The following RNFT2 variants were observed in gnomAD, a reference collection of about 807,000 sequenced individuals.
RNFT2 encodes E3 ubiquitin-protein ligase RNFT2.
Under a neutral mutation model 53.0 loss-of-function variants are expected in RNFT2, and 36 were observed. That is an observed-to-expected ratio of 0.68 (90% CI 0.52 to 0.90). RNFT2 has a LOEUF of 0.90. Ranked by LOEUF, RNFT2 falls within the 40% of genes least tolerant of loss-of-function variation. The probability of loss-of-function intolerance (pLI) is 0.00; values close to 1 mark genes in which losing one functional copy is unlikely to be tolerated. For synonymous variants in RNFT2, 260 were observed against 253.2 expected, an observed-to-expected ratio of 1.03 and a Z score of -0.26; for missense variants, 514 against 585.6, an observed-to-expected ratio of 0.88 and a Z score of 1.26.
intron 5 of RNFT2, among the ~76,000 whole-genome samples, chr12:116,762,554 T>C (rs1222779378): frequency 6.6e-6 from 1 of 151,250 alleles, no homozygotes; most frequent in Admixed American, 6.6e-5. Context: ...CTGGGCAACA[T>C]AGCAAGACCC....
At position 116,796,268 on chromosome 12, in the gene RNFT2, A is replaced by G. The variant is rs550200382; in HGVS notation, c.882+16920A>G. 3.1e-4 allele frequency among the ~76,000 whole-genome samples: 47 copies of G among 152,212 alleles called. 1 individual carries two copies. Among genetic ancestry groups the G allele is most frequent in the African/African-American group, 1.0e-3 (42 of 41,536 alleles). On this transcript the variant is annotated intron_variant, in intron 7 of 10. Coordinates refer to ENST00000257575, the MANE Select transcript of RNFT2 (RefSeq NM_001382266.1). ...CATAAGGTGCAAGGTCAGGTATCTC[A>G]TTGCTGGGTGGTTACTAGGACTGGT...
Position 116,851,446 on chromosome 12 carries a change from A to T in RNFT2, c.*1998A>T, listed in dbSNP as rs1051370703. The T allele has an allele frequency of 2.6e-6, 1 of 381,542 alleles. No homozygotes were observed. Among genetic ancestry groups the T allele is most frequent in the African/African-American group, 2.0e-5 (1 of 49,164 alleles). The allele number at this position is 381,542 out of a possible 1,614,324, so 23.6% of individuals were successfully genotyped here. On this transcript the variant is annotated 3_prime_UTR_variant, in exon 11 of 11. Coordinates refer to ENST00000257575, the MANE Select transcript of RNFT2 (RefSeq NM_001382266.1). ...GGCCCAGCAGACACGGTCTTCTAAA[A>T]GCACACGAGAGGCCGGGTGTGGTGG...
chr12:116,846,972 G>C (rs904103695), intron 10 of RNFT2, among the ~76,000 whole-genome samples: 1 of 148,208 alleles, frequency 6.7e-6, no homozygotes, highest in Non-Finnish European at 1.5e-5. Flanking sequence ...GCAGTGGCGC[G>C]ATCTTGGCTC....
intron 10 of RNFT2, among the ~76,000 whole-genome samples, chr12:116,844,362 G>A (rs1318007396): frequency 6.6e-6 from 1 of 152,052 alleles, no homozygotes; most frequent in African/African-American, 2.4e-5. Context: ...TCAGCCTCCC[G>A]AGTAGCTGGG....
intron 7 of RNFT2, among the ~76,000 whole-genome samples, chr12:116,784,318 A>G (rs558811670): frequency 2.0e-4 from 31 of 152,250 alleles, no homozygotes; most frequent in African/African-American, 7.0e-4. Context: ...GTCCTCTTAC[A>G]ATTCCCCAGT....
rs1009089811 is a variant in RNFT2 at position 116,794,491 on chromosome 12, G to A, written c.882+15143G>A. ...TGCACACCTGCAATCCCAGCTACGC[G>A]GGAGGCTGAGGTGGGAGGATTGCTT... On this transcript the variant is annotated intron_variant, in intron 7 of 10. Coordinates refer to ENST00000257575, the MANE Select transcript of RNFT2 (RefSeq NM_001382266.1). 4.1e-5 allele frequency among the ~76,000 whole-genome samples: 6 copies of A among 148,012 alleles called. No homozygotes were observed. The East Asian group carries it at 6.1e-4, about 15-fold the overall frequency.
chr12:116,815,705 G>T (rs563050367), intron 7 of RNFT2, among the ~76,000 whole-genome samples: 1 of 152,050 alleles, frequency 6.6e-6, no homozygotes, highest in Non-Finnish European at 1.5e-5. Flanking sequence ...AATTCCTTTC[G>T]CCCTGTAAGG....
intron 7 of RNFT2, among the ~76,000 whole-genome samples, chr12:116,789,168 G>A (rs1348545271): frequency 7.1e-5 from 10 of 141,268 alleles, no homozygotes; most frequent in East Asian, 4.7e-4. Flanking sequence ...TGGATAGATG[G>A]GTGGATGGGT....
chr12:116,850,603 A>ATTT lies in RNFT2; in HGVS notation c.*1159_*1161dup, dbSNP rs1592997307. Reference sequence around the variant, plus strand: ...AGAATCCCTGTGAGCCCTGTGAAGTATTTTTTCTTTTCTTTTCTTTTTTTT... The same window carrying ATTT: ...AGAATCCCTGTGAGCCCTGTGAAGTATTTTTTTTTCTTTTCTTTTCTTTTTTTT... On this transcript the variant is annotated 3_prime_UTR_variant, in exon 11 of 11. Transcript: ENST00000257575. 1.5e-5 allele frequency: 1 copy of ATTT among 64,850 alleles called. No individual in the cohort carries two copies. The highest frequency in any genetic ancestry group is 5.6e-5 in the African/African-American group (1 of 17,940). 4.0% of individuals were successfully genotyped at this position (64,850 alleles called of 1,614,324 possible).
chr12:116,814,984 C>T (rs933709396), intron 7 of RNFT2, among the ~76,000 whole-genome samples: 3 of 152,296 alleles, frequency 2.0e-5, no homozygotes, highest in East Asian at 1.9e-4. Flanking sequence ...GACCCGCCTG[C>T]GTCGGCCTCC....
chr12:116,801,663 T>C (rs988436354), intron 7 of RNFT2, among the ~76,000 whole-genome samples: 17 of 152,216 alleles, frequency 1.1e-4, no homozygotes, highest in Non-Finnish European at 2.5e-4. Flanking sequence ...GCCATCTGTT[T>C]ATAATTTAAA....
intron 7 of RNFT2, among the ~76,000 whole-genome samples, chr12:116,811,284 G>C (rs1475277015): frequency 1.3e-5 from 2 of 151,996 alleles, no homozygotes; most frequent in East Asian, 3.9e-4. Context: ...GTAGGGTGGA[G>C]ACTGGAGGTG....
At chr12:116,752,343 G>T (rs992285294) in intron 4 of RNFT2, among the ~76,000 whole-genome samples, 1 of 152,164 alleles carries the variant, frequency 6.6e-6, no homozygotes. Flanking sequence ...ATTCCTAGAA[G>T]TGAAAGCTGG....
At chr12:116,812,514 G>T (rs1875431982) in intron 7 of RNFT2, among the ~76,000 whole-genome samples, 1 of 151,782 alleles carries the variant, frequency 6.6e-6, no homozygotes. Flanking sequence ...CCAGCCTTCT[G>T]TGTCTAGGCC....
chr12:116,755,286 T>G (rs1247021568), intron 5 of RNFT2: 2 of 648,058 alleles, frequency 3.1e-6, no homozygotes, highest in Non-Finnish European at 5.4e-6. Flanking sequence ...CAGTTAGCTG[T>G]AAGTATTTTG....
At chr12:116,810,243 A>G (rs1351185807) in intron 7 of RNFT2, among the ~76,000 whole-genome samples, 1 of 152,182 alleles carries the variant, frequency 6.6e-6, no homozygotes, top group Non-Finnish European at 1.5e-5. Context: ...AGTCCCCAGC[A>G]GAGACTTCCT....
At chr12:116,751,978 T>C (rs1400001568) in intron 4 of RNFT2, among the ~76,000 whole-genome samples, 1 of 151,814 alleles carries the variant, frequency 6.6e-6, no homozygotes, top group African/African-American at 2.4e-5. Flanking sequence ...TGCTGTGCCC[T>C]GGCGGGCTTA....
Position 116,851,577 on chromosome 12 carries a change from A to G in RNFT2, c.*2129A>G. 1 of 584,094 alleles carries G rather than the reference A, an allele frequency of 1.7e-6. No homozygotes were observed. The highest frequency in any genetic ancestry group is 2.1e-5 in the South Asian group (1 of 48,210). 36.2% of individuals were successfully genotyped at this position (584,094 alleles called of 1,614,324 possible). On this transcript the variant is annotated 3_prime_UTR_variant, in exon 11 of 11. Coordinates refer to ENST00000257575, the MANE Select transcript of RNFT2 (RefSeq NM_001382266.1). ...AACATGGCAAAACCCCCTCTTTACT[A>G]AAAAATACAAAAATTAGCCGGGCGC...
chr12:116,824,041 C>T (rs990036014), intron 7 of RNFT2, among the ~76,000 whole-genome samples: 1 of 152,156 alleles, frequency 6.6e-6, no homozygotes, highest in African/African-American at 2.4e-5. Flanking sequence ...TGCTCAGAAT[C>T]CAGGGCCTCA....
Sources: gnomAD v4.1 joint callset for allele counts (sites outside exome capture counted in the v4.1 genomes callset) on GRCh38, gnomAD v4.1.1 for gene constraint, MANE v1.5 for transcripts, NCBI Gene and HGNC (gene_info 2026-07-23, HGNC 2026-07-21) for gene names.